Variants in ATP8B4 observed in about 807,000 individuals in gnomAD.
ATP8B4 encodes probable phospholipid-transporting ATPase IM.
In ATP8B4, 133 loss-of-function variants were observed where a neutral mutation model predicts 145.6. The ratio of observed to expected loss-of-function variants is 0.91; its 90% CI spans 0.79 to 1.05. The LOEUF (loss-of-function observed/expected upper bound fraction) is 1.05. Ranked by LOEUF, ATP8B4 falls within the 50% of genes least tolerant of loss-of-function variation. ATP8B4 has a pLI of 0.00. For synonymous variants in ATP8B4, 507 were observed against 492.9 expected (o/e 1.03, Z -0.38); for missense variants, 1,458 against 1,425.2 (o/e 1.02, Z -0.37).
chr15:50,094,269 C>A (rs963185197), intron 2 of ATP8B4, among the ~76,000 whole-genome samples: 2 of 152,082 alleles, frequency 1.3e-5, no homozygotes, highest in South Asian at 2.1e-4. Flanking sequence ...GTAGAAGGAA[C>A]TCCTCTTGCC....
chr15:50,129,004 GT>G (rs1340846513), intron 1 of ATP8B4, among the ~76,000 whole-genome samples: 2 of 152,182 alleles, frequency 1.3e-5, no homozygotes, highest in East Asian at 3.8e-4. Flanking sequence ...GGAGGTGGAG[GT>G]TGCAGTGAGC....
intron 25 of ATP8B4, among the ~76,000 whole-genome samples, chr15:49,867,693 T>C (rs1327447650): frequency 6.6e-6 from 1 of 152,028 alleles, no homozygotes; most frequent in Non-Finnish European, 1.5e-5. Context: ...AAAGCAAGAA[T>C]AGGTGGCTCC....
intron 1 of ATP8B4, among the ~76,000 whole-genome samples, chr15:50,165,477 G>A (rs1420676379): frequency 6.6e-6 from 1 of 152,104 alleles, no homozygotes; most frequent in Admixed American, 6.6e-5. Context: ...TTCCTGGTGG[G>A]GGATGGTGGG....
At chr15:50,075,161 G>A (rs1218772090) in intron 2 of ATP8B4, among the ~76,000 whole-genome samples, 3 of 152,100 alleles carry the variant, frequency 2.0e-5, no homozygotes, top group Non-Finnish European at 2.9e-5. Flanking sequence ...AGATAAAGGA[G>A]ACTGGATGGT....
At chr15:50,054,576 G>A (rs571759772) in intron 3 of ATP8B4, among the ~76,000 whole-genome samples, 59 of 152,190 alleles carry the variant, frequency 3.9e-4, no homozygotes, top group Admixed American at 2.0e-3. Context: ...AAGGTCAGGA[G>A]ATCGAGATCA....
intron 16 of ATP8B4, 128 bp from the exon 17 acceptor site, chr15:49,923,622 GTGCCTTTGGTTAGGTCA>G: frequency 1.7e-6 from 1 of 591,932 alleles, no homozygotes; most frequent in Non-Finnish European, 2.9e-6. Context: ...AAGACACTCA[GTGCCTTTGGTTAGGTCA>G]TTACCTAAGT....
intron 1 of ATP8B4, among the ~76,000 whole-genome samples, chr15:50,118,768 G>C (rs555217510): frequency 6.6e-6 from 1 of 151,906 alleles, no homozygotes; most frequent in Admixed American, 6.6e-5. Context: ...CAAACCCCGT[G>C]AAAAAAATAA....
intron 1 of ATP8B4, among the ~76,000 whole-genome samples, chr15:50,172,965 G>A (rs542089041): frequency 4.6e-5 from 7 of 151,170 alleles, no homozygotes; most frequent in African/African-American, 1.7e-4. Flanking sequence ...CCATCCGGGA[G>A]GTGGGGGGCA....
In ATP8B4 at chr15:49,858,552, G is replaced by A. The variant is rs1186989174; in HGVS notation, c.*1642C>T. The A allele has an allele frequency of 6.6e-6, 1 of 152,122 alleles. No homozygotes were observed. Among genetic ancestry groups the A allele is most frequent in the East Asian group, 1.9e-4 (1 of 5,194 alleles). 9.4% of individuals were successfully genotyped at this position (152,122 alleles called of 1,614,324 possible). ...CTCATTATCCATCAAACTCACTCAA[G>A]TGTCACCTGACTCTCTTGGGAAATG... On this transcript the variant is annotated 3_prime_UTR_variant, in exon 28 of 28. Transcript: ENST00000284509.
chr15:49,922,817 A>C (rs1429253326), intron 17 of ATP8B4, among the ~76,000 whole-genome samples: 1 of 152,188 alleles, frequency 6.6e-6, no homozygotes, highest in Non-Finnish European at 1.5e-5. Context: ...TTGGAAAGAA[A>C]TTATGCTGGT....
intron 1 of ATP8B4, among the ~76,000 whole-genome samples, chr15:50,151,968 C>T (rs529261731): frequency 1.8e-4 from 28 of 152,072 alleles, no homozygotes; most frequent in African/African-American, 6.5e-4. Flanking sequence ...AAACAAAACA[C>T]TTGAAGAACA....
chr15:50,176,311 C>T (rs1261800569), intron 1 of ATP8B4, among the ~76,000 whole-genome samples: 1 of 151,968 alleles, frequency 6.6e-6, no homozygotes, highest in African/African-American at 2.4e-5. Flanking sequence ...CATGTGGGAG[C>T]TAAGCTGTGA....
chr15:49,892,499 G>C (rs1402182384), intron 23 of ATP8B4, among the ~76,000 whole-genome samples: 1 of 152,218 alleles, frequency 6.6e-6, no homozygotes, highest in Middle Eastern at 3.4e-3. Flanking sequence ...TGTTCCTATG[G>C]GGACAATATT....
In ATP8B4 at chr15:49,912,903, A is replaced by G. The variant is rs1288527708; in HGVS notation, c.2141+4031T>C. ...CCTCCTGTGGGAAGCGGAGGCAGGC[A>G]GATCATTTGAGCACAGGAATATGAA... On this transcript the variant is annotated intron_variant, in intron 20 of 27. Transcript: ENST00000284509. Among the ~76,000 whole-genome samples the G allele has an allele frequency of 2.0e-5, 3 of 152,044 alleles. No individual in the cohort carries two copies. The East Asian group carries it at 5.8e-4, about 30-fold the overall frequency.
intron 6 of ATP8B4, among the ~76,000 whole-genome samples, chr15:50,013,189 C>T (rs1425657340): frequency 6.6e-6 from 1 of 152,030 alleles, no homozygotes; most frequent in Non-Finnish European, 1.5e-5. Context: ...AAAATTTTAG[C>T]TTGTATGGTG....
intron 1 of ATP8B4, among the ~76,000 whole-genome samples, chr15:50,144,548 G>A (rs978995509): frequency 6.6e-6 from 1 of 152,116 alleles, no homozygotes; most frequent in African/African-American, 2.4e-5. Context: ...CAGATCACAT[G>A]AGACTCACTC....
intron 2 of ATP8B4, among the ~76,000 whole-genome samples, chr15:50,103,305 T>C (rs866285344): frequency 2.9e-4 from 44 of 152,146 alleles, no homozygotes; most frequent in African/African-American, 1.0e-3. Context: ...AGTCAAACTG[T>C]TGCTGTTTGC....
chr15:50,038,629 T>C (rs1340072829), intron 6 of ATP8B4, 139 bp downstream of exon 6: 1 of 659,948 alleles, frequency 1.5e-6, no homozygotes, highest in East Asian at 2.8e-5. Flanking sequence ...GAAGATAAAA[T>C]GGAATTAAAG....
intron 26 of ATP8B4, among the ~76,000 whole-genome samples, chr15:49,863,976 A>T (rs1041577756): frequency 1.1e-4 from 16 of 152,220 alleles, no homozygotes; most frequent in African/African-American, 3.9e-4. Flanking sequence ...ATTATGCATC[A>T]CAGTGCTCTC....
Sources: allele counts gnomAD v4.1 joint callset (sites outside exome capture counted in the v4.1 genomes callset), GRCh38; gene constraint gnomAD v4.1.1; transcripts MANE v1.5; gene names NCBI Gene and HGNC (gene_info 2026-07-23, HGNC 2026-07-21).